The following DRC11 variants were observed in gnomAD, a reference collection of about 807,000 sequenced individuals.
The protein encoded by DRC11 is dynein regulatory complex subunit 11.
chr2:236,409,256 C>T, the DRC11 span, among the ~76,000 whole-genome samples: 1 of 152,212 alleles, frequency 6.6e-6, no homozygotes, highest in African/African-American at 2.4e-5. Flanking sequence ...AGGCACACAC[C>T]ATCATGCCTG....
chr2:236,459,604 T>TAC, the DRC11 span, among the ~76,000 whole-genome samples: 198 of 134,516 alleles, frequency 1.5e-3, no homozygotes, highest in South Asian at 3.4e-3. Flanking sequence ...CGTATACATA[T>TAC]ATACGTATAT....
chr2:236,357,359 A>G, the DRC11 span, among the ~76,000 whole-genome samples: 3 of 119,272 alleles, frequency 2.5e-5, no homozygotes, highest in South Asian at 7.3e-4. Flanking sequence ...ATATGTATAT[A>G]TATTATAAAT....
chr2:236,308,891 T>C, the DRC11 span, among the ~76,000 whole-genome samples: 8 of 152,134 alleles, frequency 5.3e-5, no homozygotes, highest in African/African-American at 9.7e-5. This position sits in a 1 kb window ranked among gnomAD's most constrained non-coding sequence, Gnocchi z 6.0. Context: ...AAATAAAACT[T>C]AAAGCAATGA....
chr2:236,344,568 C>T, the DRC11 span: 27 of 1,612,718 alleles, frequency 1.7e-5, no homozygotes, highest in Middle Eastern at 1.6e-4. Context: ...ATCTTTTCTG[C>T]GTTGGGAACT....
the DRC11 span, among the ~76,000 whole-genome samples, chr2:236,484,325 CCT>C: frequency 5.3e-5 from 8 of 152,232 alleles, no homozygotes; most frequent in African/African-American, 1.4e-4. Context: ...GTCTTTTCCC[CCT>C]CTGACATAAT....
the DRC11 span, among the ~76,000 whole-genome samples, chr2:236,330,864 G>A: frequency 6.6e-6 from 1 of 152,174 alleles, no homozygotes; most frequent in Non-Finnish European, 1.5e-5. The surrounding 1 kb of genome is among the most constrained non-coding windows in gnomAD (Gnocchi z 5.5). Flanking sequence ...AAAAAGTTCT[G>A]TGAATAGGTC....
chr2:236,437,575 C>G, the DRC11 span, among the ~76,000 whole-genome samples: 2 of 150,192 alleles, frequency 1.3e-5, no homozygotes, highest in African/African-American at 2.4e-5. Flanking sequence ...AAAAGTGTTC[C>G]TATTTCTCCA....
At chr2:236,348,724 C>G in the DRC11 span, among the ~76,000 whole-genome samples, 1 of 152,142 alleles carries the variant, frequency 6.6e-6, no homozygotes, top group Non-Finnish European at 1.5e-5. This position sits in a 1 kb window ranked among gnomAD's most constrained non-coding sequence, Gnocchi z 7.4. Context: ...TTTGAAAGCT[C>G]CCCAGATGAT....
At chr2:236,497,196 G>T in the DRC11 span, 1 of 1,612,364 alleles carries the variant, frequency 6.2e-7, no homozygotes, top group Non-Finnish European at 8.5e-7. This position sits in a 1 kb window ranked among gnomAD's most constrained non-coding sequence, Gnocchi z 5.1. Flanking sequence ...GGATATCATC[G>T]AAATAATGGA....
At chr2:236,446,914 G>A in the DRC11 span, among the ~76,000 whole-genome samples, 38 of 147,918 alleles carry the variant, frequency 2.6e-4, no homozygotes, top group African/African-American at 9.6e-4. The surrounding 1 kb of genome is among the most constrained non-coding windows in gnomAD (Gnocchi z 6.2). Context: ...GCTGCTGGGC[G>A]TGGGGTCTCT....
the DRC11 span, among the ~76,000 whole-genome samples, chr2:236,428,486 T>C: frequency 2.0e-5 from 3 of 152,204 alleles, no homozygotes; most frequent in Non-Finnish European, 4.4e-5. Context: ...AATTATATAA[T>C]GATCTTATTT....
At chr2:236,370,993 G>C in the DRC11 span, among the ~76,000 whole-genome samples, 1 of 152,172 alleles carries the variant, frequency 6.6e-6, no homozygotes, top group Non-Finnish European at 1.5e-5. The surrounding 1 kb of genome is among the most constrained non-coding windows in gnomAD (Gnocchi z 5.5). Flanking sequence ...GTTGAGGACA[G>C]AGTGGGATTA....
chr2:236,312,282 G>A, the DRC11 span, among the ~76,000 whole-genome samples: 16 of 152,024 alleles, frequency 1.1e-4, no homozygotes, highest in African/African-American at 3.4e-4. Flanking sequence ...CATTATAGTG[G>A]CCCAAGCCTC....
chr2:236,494,670 G>C, the DRC11 span, among the ~76,000 whole-genome samples: 3 of 152,146 alleles, frequency 2.0e-5, no homozygotes, highest in South Asian at 6.2e-4. This position sits in a 1 kb window ranked among gnomAD's most constrained non-coding sequence, Gnocchi z 4.2. Flanking sequence ...CCAATTCTAG[G>C]TGTGACTCCC....
At chr2:236,459,532 TAC>T in the DRC11 span, among the ~76,000 whole-genome samples, 1 of 96,172 alleles carries the variant, frequency 1.0e-5, no homozygotes, top group Non-Finnish European at 2.3e-5. Context: ...TATACATGTA[TAC>T]GTATACGTAT....
chr2:236,454,624 T>C, the DRC11 span: 1 of 152,202 alleles, frequency 6.6e-6, no homozygotes, highest in Non-Finnish European at 1.5e-5. This position sits in a 1 kb window ranked among gnomAD's most constrained non-coding sequence, Gnocchi z 5.3. Flanking sequence ...TTTTTCATGC[T>C]GAAAGTAATT....
At chr2:236,459,552 C>CGTGT in the DRC11 span, among the ~76,000 whole-genome samples, 1 of 113,878 alleles carries the variant, frequency 8.8e-6, no homozygotes. Context: ...TATACGTATA[C>CGTGT]ATGTATACGT....
At chr2:236,460,961 G>C in the DRC11 span, among the ~76,000 whole-genome samples, 1 of 152,042 alleles carries the variant, frequency 6.6e-6, no homozygotes, top group African/African-American at 2.4e-5. The surrounding 1 kb of genome is among the most constrained non-coding windows in gnomAD (Gnocchi z 4.0). Context: ...CACCATGTTG[G>C]CCCAGGCTGG....
the DRC11 span, among the ~76,000 whole-genome samples, chr2:236,314,659 T>C: frequency 1.3e-5 from 2 of 152,192 alleles, no homozygotes; most frequent in Non-Finnish European, 2.9e-5. The surrounding 1 kb of genome is among the most constrained non-coding windows in gnomAD (Gnocchi z 4.5). Context: ...TATTTCTATA[T>C]ACCAGCAACA....
Sources: gnomAD v4.1 joint callset for allele counts (sites outside exome capture counted in the v4.1 genomes callset) on GRCh38, gnomAD v4.1.1 for gene constraint, Gnocchi (gnomAD v3.1) non-coding constraint, MANE v1.5 for transcripts, NCBI Gene and HGNC (gene_info 2026-07-23, HGNC 2026-07-21) for gene names.